Variants in CD244 observed in about 807,000 individuals in gnomAD.
CD244 encodes natural killer cell receptor 2B4.
CD244 carries 20 observed loss-of-function variants against 45.5 expected under a neutral mutation model. That is an observed-to-expected ratio of 0.44 (90% CI 0.31 to 0.64). The LOEUF is 0.64. CD244 is among the 30% of genes least tolerant of loss of function. The pLI, the probability that CD244 is intolerant of heterozygous loss-of-function variation, is 0.08. For synonymous variants in CD244, 185 were observed against 160.5 expected (o/e 1.15, Z -1.15); for missense variants, 407 against 426.9 (o/e 0.95, Z 0.41).
At position 160,831,316 on chromosome 1, in the gene CD244, T is replaced by A. The variant is rs749596554; in HGVS notation, c.*31A>T. 8.7e-5 allele frequency: 135 copies of A among 1,555,596 alleles called. No homozygotes were observed. Among genetic ancestry groups the A allele is most frequent in the Non-Finnish European group, 9.4e-5 (106 of 1,126,522 alleles). On this transcript the variant is annotated 3_prime_UTR_variant, in exon 9 of 9. Coordinates refer to ENST00000368034, the MANE Select transcript of CD244 (RefSeq NM_016382.4). ...TGCCAATTCCCAAAGCAGATGCTGA[T>A]GTGCAAGAAAGGTGAGAATTGCTGC...
At chr1:160,860,635 C>T (rs1030246969) in intron 1 of CD244, among the ~76,000 whole-genome samples, 2 of 152,132 alleles carry the variant, frequency 1.3e-5, no homozygotes, top group African/African-American at 4.8e-5. Context: ...ACAACTTGTT[C>T]TCAAGTGGTT....
chr1:160,832,856 A>ATATGTGTG (rs529214462), intron 7 of CD244: 1 of 313,394 alleles, frequency 3.2e-6, no homozygotes, highest in Non-Finnish European at 6.0e-6. Flanking sequence ...CCATACACAT[A>ATATGTGTG]TGTGTGTGTG....
In CD244 at chr1:160,841,203, C is replaced by T; in HGVS notation, c.655+7G>A. The T allele has an allele frequency of 6.2e-7, 1 of 1,614,016 alleles. No individual in the cohort carries two copies. Among genetic ancestry groups the T allele is most frequent in the Non-Finnish European group, 8.5e-7 (1 of 1,179,896 alleles). ...GCGCTTGTTATAGCCCAGTGTGTTC[C>T]ACTTACCCTGATGGGCATTCTGACA... is the stretch of plus-strand genomic sequence containing the variant. On this transcript the variant is annotated splice_region_variant and intron_variant, in intron 3 of 8. Transcript: ENST00000368034.
At chr1:160,861,872 A>T (rs1166779351) in intron 1 of CD244, among the ~76,000 whole-genome samples, 2 of 152,102 alleles carry the variant, frequency 1.3e-5, no homozygotes, top group Non-Finnish European at 2.9e-5. Context: ...TAAAAATGAA[A>T]TAAATAAATT....
At chr1:160,850,793 A>C (rs1191712472) in intron 1 of CD244, among the ~76,000 whole-genome samples, 2 of 152,218 alleles carry the variant, frequency 1.3e-5, no homozygotes, top group South Asian at 4.1e-4. Flanking sequence ...GTGGACACCA[A>C]CTGGATGTCC....
At chr1:160,849,283 CTTTT>C (rs371170555) in intron 1 of CD244, among the ~76,000 whole-genome samples, 2 of 139,328 alleles carry the variant, frequency 1.4e-5, no homozygotes, top group African/African-American at 2.6e-5. Context: ...CCATCTCTTT[CTTTT>C]TTTTTTTTTT....
rs879811726 is a variant in CD244 at position 160,848,359 on chromosome 1, C to T, written c.62-6458G>A. 34 of 575,610 alleles carry T rather than the reference C, an allele frequency of 5.9e-5. No individual in the cohort carries two copies. The East Asian group carries it at 1.2e-3, about 21-fold the overall frequency. The allele number at this position is 575,610 out of a possible 1,614,324, so 35.7% of individuals were successfully genotyped here. ...GTTCCCAGTTTTTCATCTACATTGC[C>T]GAGACTGAATGGATGGATGGCAAGC... On this transcript the variant is annotated intron_variant, in intron 1 of 8. Coordinates refer to ENST00000368034, the MANE Select transcript of CD244 (RefSeq NM_016382.4).
At chr1:160,851,108 A>G (rs945268119) in intron 1 of CD244, among the ~76,000 whole-genome samples, 9 of 152,160 alleles carry the variant, frequency 5.9e-5, no homozygotes, top group African/African-American at 2.2e-4. Flanking sequence ...GAACCTCCGC[A>G]TGTTTAGCTC....
chr1:160,860,724 T>C (rs1021651265), intron 1 of CD244, among the ~76,000 whole-genome samples: 6 of 152,258 alleles, frequency 3.9e-5, no homozygotes, highest in Non-Finnish European at 8.8e-5. Context: ...TGATAAAATG[T>C]TAATTGGTGA....
intron 1 of CD244, among the ~76,000 whole-genome samples, chr1:160,846,370 G>A (rs1343433182): frequency 9.2e-5 from 14 of 152,122 alleles, no homozygotes; most frequent in Admixed American, 8.5e-4. Flanking sequence ...TAGAATTTCG[G>A]TACTTCAAAG....
intron 1 of CD244, among the ~76,000 whole-genome samples, chr1:160,852,724 G>A (rs1028038008): frequency 2.0e-5 from 3 of 151,546 alleles, no homozygotes; most frequent in Non-Finnish European, 4.4e-5. Context: ...AGAAGAATTT[G>A]TACACAAGAA....
intron 1 of CD244, among the ~76,000 whole-genome samples, chr1:160,844,091 G>A (rs946722057): frequency 1.1e-4 from 17 of 152,184 alleles, no homozygotes; most frequent in Non-Finnish European, 2.1e-4. Context: ...TAATGATCTG[G>A]AATCTCTGGT....
chr1:160,855,986 G>A (rs1670093226), intron 1 of CD244, among the ~76,000 whole-genome samples: 1 of 152,212 alleles, frequency 6.6e-6, no homozygotes, highest in South Asian at 2.1e-4. Context: ...TGTGGGGCCT[G>A]AGCACCTGGG....
chr1:160,837,676 G>A (rs1054382730), intron 5 of CD244, among the ~76,000 whole-genome samples: 1 of 152,148 alleles, frequency 6.6e-6, no homozygotes, highest in African/African-American at 2.4e-5. Context: ...ACAGCAAAGC[G>A]CCAGGGGGCA....
rs1046102326 is a variant in CD244, at chr1:160,833,732, T to C, written c.960+319A>G. Among the ~76,000 whole-genome samples, 11 of 152,210 alleles carry C rather than the reference T, an allele frequency of 7.2e-5. 1 individual carries two copies. Among genetic ancestry groups the C allele is most frequent in the Non-Finnish European group, 1.6e-4 (11 of 68,034 alleles). On this transcript the variant is annotated intron_variant, in intron 7 of 8. Coordinates refer to ENST00000368034, the MANE Select transcript of CD244 (RefSeq NM_016382.4). The stretch of plus-strand genomic sequence containing the variant: ...CTCACCATAGCCTCAGCTGACCTAC[T>C]AAGTACCCCGTAGTCTCTCTGTGCA...
chr1:160,838,724 C>A, intron 4 of CD244: 1 of 617,082 alleles, frequency 1.6e-6, no homozygotes. Context: ...AACCAGCTGT[C>A]TACAGGGAAA....
intron 1 of CD244, among the ~76,000 whole-genome samples, chr1:160,846,936 A>T (rs1315114656): frequency 1.3e-5 from 2 of 152,176 alleles, no homozygotes; most frequent in Admixed American, 1.3e-4. Flanking sequence ...ATATTGTTGG[A>T]GGTATTCATT....
intron 5 of CD244, among the ~76,000 whole-genome samples, chr1:160,837,717 C>A (rs1191474076): frequency 6.6e-6 from 1 of 152,262 alleles, no homozygotes; most frequent in Non-Finnish European, 1.5e-5. Context: ...CCCCACTTCA[C>A]CCACCCTGCC....
chr1:160,849,304 C>CTTTTTTTTTTTTT (rs1557840584), intron 1 of CD244, among the ~76,000 whole-genome samples: 5 of 108,472 alleles, frequency 4.6e-5, no homozygotes, highest in African/African-American at 4.4e-5. Flanking sequence ...TTTTGTTTTA[C>CTTTTTTTTTTTTT]TTTAAGTTCT....
Sources: allele counts gnomAD v4.1 joint callset (sites outside exome capture counted in the v4.1 genomes callset), GRCh38; gene constraint gnomAD v4.1.1; transcripts MANE v1.5; gene names NCBI Gene and HGNC (gene_info 2026-07-23, HGNC 2026-07-21).